Variants in CD99 observed in about 807,000 individuals in gnomAD.
CD99 encodes the protein CD99 antigen.
A neutral mutation model predicts 28.4 loss-of-function variants in CD99; 19 were observed. The observed-to-expected ratio is 0.67, with a 90% CI of 0.47 to 0.98. The LOEUF (loss-of-function observed/expected upper bound fraction) is 0.98. Among genes scored for constraint, CD99 ranks in the 50% least tolerant of loss-of-function variants. The probability of loss-of-function intolerance (pLI) is 0.00; values close to 1 mark genes in which losing one functional copy is unlikely to be tolerated. For missense variants in CD99, 283 were observed against 248.8 expected (o/e 1.14, Z -0.92); for synonymous variants, 103 against 92.1 (o/e 1.12, Z -0.67).
Position 2,738,542 on chromosome X carries a change from A to G in CD99, c.532+286A>G, listed in dbSNP as rs781619534. Among the ~76,000 whole-genome samples the G allele has an allele frequency of 2.6e-5, 4 of 152,218 alleles. No individual in the cohort carries two copies. The South Asian group carries it at 8.3e-4, about 32-fold the overall frequency. On this transcript the variant is annotated intron_variant, in intron 9 of 9. Coordinates refer to ENST00000381192, the MANE Select transcript of CD99 (RefSeq NM_002414.5). Reference sequence around the variant, plus strand: ...GGAGTTCGAGACCAGCCTGGCCAACATGGTGAAACCCTGTCTGTACTAAAA... The same window carrying G: ...GGAGTTCGAGACCAGCCTGGCCAACGTGGTGAAACCCTGTCTGTACTAAAA...
chrX:2,695,198 C>T (rs929628913), intron 1 of CD99, among the ~76,000 whole-genome samples: 19 of 151,250 alleles, frequency 1.3e-4, no homozygotes, highest in African/African-American at 4.1e-4. Context: ...TCTCGGGGTG[C>T]GAAGGAGGAA....
intron 8 of CD99, chrX:2,733,507 G>A (rs1255484454): frequency 2.2e-6 from 2 of 911,308 alleles, no homozygotes; most frequent in Admixed American, 2.3e-5. Context: ...CACCACGATG[G>A]GATTCTCAAT....
chrX:2,736,624 G>C (rs112016605), intron 8 of CD99, among the ~76,000 whole-genome samples: 1 of 152,108 alleles, frequency 6.6e-6, no homozygotes, highest in Non-Finnish European at 1.5e-5. Context: ...TTGAGAGGCC[G>C]AGGTGGGCGG....
At chrX:2,702,401 G>T (rs2047901751) in intron 1 of CD99, among the ~76,000 whole-genome samples, 1 of 151,902 alleles carries the variant, frequency 6.6e-6, no homozygotes, top group African/African-American at 2.4e-5. Flanking sequence ...CAGAGGGGAA[G>T]AGATTTTAAA....
intron 2 of CD99, chrX:2,715,479 C>T (rs2048654017): frequency 6.6e-6 from 1 of 151,500 alleles, no homozygotes; most frequent in African/African-American, 2.4e-5. Context: ...TCCGTGGGGC[C>T]TCCTCCTCTG....
At chrX:2,709,508 C>T (rs748650008) in intron 1 of CD99, among the ~76,000 whole-genome samples, 1 of 152,390 alleles carries the variant, frequency 6.6e-6, no homozygotes, top group African/African-American at 2.4e-5. Context: ...ACTCACAATG[C>T]ACATGAAAAC....
In CD99 at chrX:2,738,231, C is replaced by T. The variant is rs201188695; in HGVS notation, c.507C>T (p.His169=). The change falls in exon 9 of 10, where the codon CAC becomes CAT. Residue 169 remains histidine, a synonymous_variant. Coordinates refer to ENST00000381192, the MANE Select transcript of CD99 (RefSeq NM_002414.5). ...AEQGEVDMES[H]RNANAEPAVQ... ...AAGGGGAGGTGGACATGGAGAGCCA[C>T]CGGAATGCCAACGCAGAGCCAGCTG... 6.2e-7 allele frequency: 1 copy of T among 1,613,932 alleles called. No homozygotes were observed. Among genetic ancestry groups the T allele is most frequent in the Non-Finnish European group, 8.5e-7 (1 of 1,179,862 alleles).
At position 2,738,258 on chromosome X, in the gene CD99, T is replaced by TA. The variant is rs1569452288; in HGVS notation, c.532+4dup. 1.2e-6 allele frequency: 2 copies of TA among 1,613,836 alleles called. No individual in the cohort carries two copies. The highest frequency in any genetic ancestry group is 2.2e-5 in the South Asian group (2 of 91,072). ...GGAATGCCAACGCAGAGCCAGCTGG[T>TA]AAGAAGGACGGGGAACGATGGCTTG... is the stretch of plus-strand genomic sequence containing the variant. On this transcript the variant is annotated splice_region_variant and intron_variant, in intron 9 of 9. Coordinates refer to ENST00000381192, the MANE Select transcript of CD99 (RefSeq NM_002414.5).
chrX:2,733,457 C>G (rs953008085), intron 8 of CD99: 3 of 1,421,180 alleles, frequency 2.1e-6, no homozygotes, highest in African/African-American at 2.8e-5. Flanking sequence ...TAAAGCAAAC[C>G]CTTCCATCTG....
intron 1 of CD99, among the ~76,000 whole-genome samples, chrX:2,697,465 G>A (rs1027448603): frequency 1.6e-4 from 24 of 152,100 alleles, no homozygotes; most frequent in African/African-American, 5.3e-4. Context: ...ACTCATCAGC[G>A]ACACCTGAGT....
chrX:2,723,496 T>C, intron 7 of CD99, 132 bp downstream of exon 7: 2 of 1,008,194 alleles, frequency 2.0e-6, no homozygotes, highest in Non-Finnish European at 3.1e-6. Flanking sequence ...ACGGGTGTTC[T>C]GTGCCAAGTG....
intron 1 of CD99, among the ~76,000 whole-genome samples, chrX:2,709,667 C>G (rs749846640): frequency 1.3e-5 from 2 of 152,262 alleles, no homozygotes; most frequent in Non-Finnish European, 2.9e-5. Flanking sequence ...CACATGTACA[C>G]ATGAGCACAT....
At chrX:2,712,965 C>A (rs1197941659) in intron 1 of CD99, among the ~76,000 whole-genome samples, 2 of 151,566 alleles carry the variant, frequency 1.3e-5, no homozygotes. Context: ...ACACTACACA[C>A]ACCTACACAT....
chrX:2,692,194 A>C, intron 1 of CD99: 1 of 474,394 alleles, frequency 2.1e-6, no homozygotes, highest in Non-Finnish European at 3.7e-6. Flanking sequence ...CTCCCTTTGA[A>C]ACGGAAACGG....
chrX:2,737,834 T>G (rs1486895156), intron 8 of CD99: 2 of 401,778 alleles, frequency 5.0e-6, no homozygotes, highest in Non-Finnish European at 9.5e-6. Context: ...CAGTTATAAA[T>G]AAGAATCTTA....
intron 1 of CD99, among the ~76,000 whole-genome samples, chrX:2,696,838 G>A (rs772800062): frequency 2.0e-4 from 31 of 152,260 alleles, no homozygotes; most frequent in Admixed American, 5.2e-4. Flanking sequence ...GTTCCTTGGT[G>A]AGTTTTGAGG....
At chrX:2,739,476 GTGTCTCTC>G (rs1235411940) in intron 9 of CD99, among the ~76,000 whole-genome samples, 1 of 151,748 alleles carries the variant, frequency 6.6e-6, no homozygotes, top group African/African-American at 2.4e-5. Flanking sequence ...TTGAGATGGA[GTGTCTCTC>G]TGTCACCCAG....
intron 2 of CD99, chrX:2,714,841 GAGGTCC>G: frequency 2.8e-5 from 5 of 180,060 alleles, no homozygotes. Context: ...TGCAGTGAAG[GAGGTCC>G]GCCTGTATGT....
At chrX:2,739,441 T>G (rs1402563508) in intron 9 of CD99, among the ~76,000 whole-genome samples, 2 of 152,086 alleles carry the variant, frequency 1.3e-5, no homozygotes, top group Admixed American at 6.6e-5. Context: ...TGAAATGATT[T>G]AAAATATTTT....
Sources: allele counts gnomAD v4.1 joint callset (sites outside exome capture counted in the v4.1 genomes callset), GRCh38; gene constraint gnomAD v4.1.1; transcripts MANE v1.5; gene names NCBI Gene and HGNC (gene_info 2026-07-23, HGNC 2026-07-21).